Variants in LEF1 observed in about 807,000 individuals in gnomAD.
LEF1 encodes lymphoid enhancer-binding factor 1.
LEF1 carries 14 observed loss-of-function variants against 51.2 expected under a neutral mutation model. That is an observed-to-expected ratio of 0.27 (90% CI 0.18 to 0.43). The LOEUF is 0.43. LEF1 is among the 20% of genes least tolerant of loss of function. The pLI, the probability that LEF1 is intolerant of heterozygous loss-of-function variation, is 1.00. For missense variants in LEF1, 386 were observed against 512.0 expected (o/e 0.75, Z 2.37); for synonymous variants, 185 against 183.2 (o/e 1.01, Z -0.08).
intron 3 of LEF1, among the ~76,000 whole-genome samples, chr4:108,147,382 G>A (rs1243708361): frequency 6.6e-6 from 1 of 152,076 alleles, no homozygotes; most frequent in Non-Finnish European, 1.5e-5. Context: ...ATCTCAGATA[G>A]CCCTGAATTA....
At chr4:108,166,656 A>G in intron 1 of LEF1, 3 of 1,011,786 alleles carry the variant, frequency 3.0e-6, no homozygotes, top group Non-Finnish European at 3.5e-6. Context: ...TACTCAGGTT[A>G]CCAGCTCTAT....
intron 1 of LEF1, 33 bp from the exon 2 acceptor site, chr4:108,165,196 G>A: frequency 6.3e-7 from 1 of 1,596,450 alleles, no homozygotes; most frequent in Non-Finnish European, 8.6e-7. Context: ...CCAAAAGAAA[G>A]AAAATCACCT....
chr4:108,053,539 G>A lies in LEF1; in HGVS notation c.*7-4788C>T, dbSNP rs1737139022. Among the ~76,000 whole-genome samples, 3 of 152,178 alleles carry A rather than the reference G, an allele frequency of 2.0e-5. No individual in the cohort carries two copies. The South Asian group carries it at 6.2e-4, about 32-fold the overall frequency. Reference sequence around the variant, plus strand: ...AGGCTTCCTCTCCTGTGGCTATTCAGAGTGAATTACCATCAGCTCAACCAG... The same window carrying A: ...AGGCTTCCTCTCCTGTGGCTATTCAAAGTGAATTACCATCAGCTCAACCAG... On this transcript the variant is annotated intron_variant, in intron 11 of 11. Coordinates refer to ENST00000265165, the MANE Select transcript of LEF1 (RefSeq NM_016269.5).
chr4:108,121,397 G>T (rs754796870), intron 3 of LEF1, among the ~76,000 whole-genome samples: 10 of 152,150 alleles, frequency 6.6e-5, no homozygotes, highest in Non-Finnish European at 1.3e-4. Context: ...GACCCCAGAG[G>T]TACAGACACT....
At chr4:108,065,443 C>T (rs969245971) in intron 9 of LEF1, among the ~76,000 whole-genome samples, 20 of 152,214 alleles carry the variant, frequency 1.3e-4, no homozygotes, top group Non-Finnish European at 2.8e-4. Flanking sequence ...AGGATTGCTC[C>T]ACTGGGCCAC....
intron 3 of LEF1, among the ~76,000 whole-genome samples, chr4:108,141,343 C>T (rs1475012032): frequency 6.6e-6 from 1 of 152,122 alleles, no homozygotes; most frequent in Non-Finnish European, 1.5e-5. Flanking sequence ...ATTTTCTGCT[C>T]TGCTGGACAG....
At chr4:108,064,419 T>C (rs779260268) in intron 9 of LEF1, 35 bp from the exon 10 acceptor site, 1 of 1,517,286 alleles carries the variant, frequency 6.6e-7, no homozygotes, top group South Asian at 1.1e-5. Flanking sequence ...ATGTCACAGA[T>C]TGTACCATGA....
chr4:108,062,694 AATT>A (rs770024630), intron 11 of LEF1, among the ~76,000 whole-genome samples: 4 of 152,174 alleles, frequency 2.6e-5, no homozygotes, highest in Non-Finnish European at 4.4e-5. Flanking sequence ...GAGGCAGAAA[AATT>A]ATTAACGTGT....
At chr4:108,155,973 A>G (rs2110406065) in intron 3 of LEF1, among the ~76,000 whole-genome samples, 1 of 152,320 alleles carries the variant, frequency 6.6e-6, no homozygotes, top group Non-Finnish European at 1.5e-5. Flanking sequence ...TGTATTTGAA[A>G]AGGACAGAAC....
rs1255286276 is a variant in LEF1, at chr4:108,167,810, C to T, written c.-43G>A. 7 of 1,559,060 alleles carry T rather than the reference C, an allele frequency of 4.5e-6. No individual in the cohort carries two copies. The African/African-American group carries it at 5.4e-5, about 12-fold the overall frequency. ...CTCCGCTCCGCTGTGGGAGCACCCG[C>T]GCAACAGCAGGAAAGACAGAGGGGT... On this transcript the variant is annotated 5_prime_UTR_variant, in exon 1 of 12. Transcript: ENST00000265165. The surrounding 1 kb of genome is among the most constrained non-coding windows in gnomAD (Gnocchi z 5.7).
At chr4:108,119,368 C>T (rs948593765) in intron 3 of LEF1, among the ~76,000 whole-genome samples, 1 of 151,682 alleles carries the variant, frequency 6.6e-6, no homozygotes, top group Admixed American at 6.6e-5. Flanking sequence ...CTGACTAAAC[C>T]CTAGGGATAT....
intron 3 of LEF1, among the ~76,000 whole-genome samples, chr4:108,110,539 G>GTTCT (rs981364813): frequency 6.6e-6 from 1 of 152,128 alleles, no homozygotes; most frequent in African/African-American, 2.4e-5. Flanking sequence ...ACATATCAAT[G>GTTCT]TTCTTTCTTT....
At chr4:108,097,592 C>T (rs1359715112) in intron 3 of LEF1, among the ~76,000 whole-genome samples, 1 of 152,098 alleles carries the variant, frequency 6.6e-6, no homozygotes, top group Non-Finnish European at 1.5e-5. Context: ...TGGAATGTTC[C>T]TAACACAATG....
chr4:108,066,498 C>T (rs569331862), intron 9 of LEF1, among the ~76,000 whole-genome samples: 7 of 152,260 alleles, frequency 4.6e-5, no homozygotes, highest in African/African-American at 1.7e-4. Flanking sequence ...GGGCTCTGTC[C>T]CCAGAGCACC....
chr4:108,068,355 A>T lies in LEF1; in HGVS notation c.1116+2308T>A, dbSNP rs190446186. ...ACTCAGGAGGAGGAAAACCACGTAG[A>T]TTTTGAAGTCAGAGTGACCTGGGTG... On this transcript the variant is annotated intron_variant, in intron 9 of 11. Transcript: ENST00000265165. Among the ~76,000 whole-genome samples, 16 of 152,362 alleles carry T rather than the reference A, an allele frequency of 1.1e-4. No individual in the cohort carries two copies. In the East Asian group the frequency reaches 3.1e-3, roughly 29 times the overall value.
chr4:108,063,734 A>G, intron 10 of LEF1, 71 bp from the exon 11 acceptor site: 1 of 984,640 alleles, frequency 1.0e-6, no homozygotes, highest in Non-Finnish European at 1.6e-6. Context: ...CGTAGTAGCT[A>G]CAATATCATG....
intron 9 of LEF1, among the ~76,000 whole-genome samples, chr4:108,069,349 G>T (rs1187011738): frequency 6.6e-6 from 1 of 152,012 alleles, no homozygotes; most frequent in Non-Finnish European, 1.5e-5. Context: ...CTTAAATAGT[G>T]AAAATTATTC....
chr4:108,167,827 C>G lies in LEF1; in HGVS notation c.-60G>C. 6.8e-7 allele frequency: 1 copy of G among 1,460,598 alleles called. No homozygotes were observed. Among genetic ancestry groups the G allele is most frequent in the Non-Finnish European group, 9.5e-7 (1 of 1,057,956 alleles). The allele number at this position is 1,460,598 out of a possible 1,614,324, so 90.5% of individuals were successfully genotyped here. A position where few individuals can be genotyped will look rare whatever the true frequency, so the allele number is the denominator to read the frequency against. ...AGCACCCGCGCAACAGCAGGAAAGA[C>G]AGAGGGGTAACTCAAGGGTGGGGGA... On this transcript the variant is annotated 5_prime_UTR_variant, in exon 1 of 12. Coordinates refer to ENST00000265165, the MANE Select transcript of LEF1 (RefSeq NM_016269.5). This position sits in a 1 kb window ranked among gnomAD's most constrained non-coding sequence, Gnocchi z 5.7.
At chr4:108,099,468 C>T (rs1393563405) in intron 3 of LEF1, among the ~76,000 whole-genome samples, 1 of 148,312 alleles carries the variant, frequency 6.7e-6, no homozygotes, top group Non-Finnish European at 1.5e-5. Context: ...TTTCAATATC[C>T]CATACTGAGA....
Sources: allele counts gnomAD v4.1 joint callset (sites outside exome capture counted in the v4.1 genomes callset), GRCh38; gene constraint gnomAD v4.1.1; non-coding constraint Gnocchi (gnomAD v3.1); transcripts MANE v1.5; gene names NCBI Gene and HGNC (gene_info 2026-07-23, HGNC 2026-07-21).